The following SAMD3 variants were observed in gnomAD, a reference collection of about 807,000 sequenced individuals.
The protein encoded by SAMD3 is sterile alpha motif domain-containing protein 3.
SAMD3 carries 63 observed loss-of-function variants against 58.5 expected under a neutral mutation model. The ratio of observed to expected loss-of-function variants is 1.08; its 90% CI spans 0.88 to 1.33. SAMD3 has a LOEUF of 1.33. Ranked by LOEUF, SAMD3 falls within the 40% of genes most tolerant of loss-of-function variation. SAMD3 has a pLI of 0.00. For missense variants in SAMD3, 604 were observed against 608.4 expected (o/e 0.99, Z 0.08); for synonymous variants, 220 against 210.3 (o/e 1.05, Z -0.40).
chr6:130,292,018 A>G (rs1261112442), intron 2 of SAMD3, among the ~76,000 whole-genome samples: 1 of 152,198 alleles, frequency 6.6e-6, no homozygotes, highest in Non-Finnish European at 1.5e-5. Context: ...TTATTAAGCT[A>G]ATCTAATACT....
chr6:130,210,031 T>C (rs576184922), intron 4 of SAMD3, among the ~76,000 whole-genome samples: 1 of 152,318 alleles, frequency 6.6e-6, no homozygotes, highest in African/African-American at 2.4e-5. Flanking sequence ...CCTCAGGATC[T>C]TAGAAACATA....
chr6:130,155,110 A>C, intron 8 of SAMD3, 85 bp from the exon 9 acceptor site: 1 of 997,336 alleles, frequency 1.0e-6, no homozygotes, highest in South Asian at 1.5e-5. Flanking sequence ...CTCTTAACTC[A>C]TTCCTAAGGT....
At chr6:130,362,303 C>G (rs556769616) in intron 1 of SAMD3, among the ~76,000 whole-genome samples, 1 of 152,268 alleles carries the variant, frequency 6.6e-6, no homozygotes, top group South Asian at 2.1e-4. Context: ...ACAGTTCCCC[C>G]GTGATGCAAA....
At chr6:130,145,974 CAG>C (rs1788586391) in intron 10 of SAMD3, 34 bp downstream of exon 10, 1 of 1,262,716 alleles carries the variant, frequency 7.9e-7, no homozygotes, top group African/African-American at 1.5e-5. Context: ...TGATAAATAA[CAG>C]ATGAAATCAC....
intron 7 of SAMD3, chr6:130,183,351 G>GA (rs533017471): frequency 6.4e-3 from 2,252 of 352,314 alleles, no homozygotes; most frequent in East Asian, 0.015. Flanking sequence ...AAAAAAAAAG[G>GA]AAAAAAAAAA....
At chr6:130,174,315 GA>G (rs1791526997) in intron 8 of SAMD3, among the ~76,000 whole-genome samples, 1 of 152,164 alleles carries the variant, frequency 6.6e-6, no homozygotes, top group East Asian at 1.9e-4. Flanking sequence ...GTAGGCATAC[GA>G]GGCAATCTCC....
chr6:130,280,610 T>C (rs76680295), intron 2 of SAMD3, among the ~76,000 whole-genome samples: 4,718 of 152,318 alleles, frequency 0.031, 239 homozygotes, highest in African/African-American at 0.11. Context: ...TCAAATTTAC[T>C]GTGTCCCACT....
At chr6:130,346,588 G>A (rs1056014450) in intron 1 of SAMD3, among the ~76,000 whole-genome samples, 5 of 152,338 alleles carry the variant, frequency 3.3e-5, no homozygotes, top group Non-Finnish European at 5.9e-5. Context: ...TGGGAAGCTC[G>A]AACTGGGTGG....
At chr6:130,174,713 A>G (rs1394716813) in intron 8 of SAMD3, among the ~76,000 whole-genome samples, 2 of 152,220 alleles carry the variant, frequency 1.3e-5, no homozygotes, top group African/African-American at 4.8e-5. Context: ...GAATTTTTCA[A>G]AGTTTCTAAA....
rs146341042 is a variant in SAMD3 at position 130,338,573 on chromosome 6, A to C, written c.-303-25480T>G. ...CCCATGACAGCAGCCTCAGGGGCTG[A>C]ATCCTATAGACCCACAGGGGCACAG... On this transcript the variant is annotated intron_variant, in intron 1 of 13. Coordinates refer to the SAMD3 transcript ENST00000368134. Among the ~76,000 whole-genome samples, 185 of 152,336 alleles carry C rather than the reference A, an allele frequency of 1.2e-3. 1 individual carries two copies. Among genetic ancestry groups the C allele is most frequent in the African/African-American group, 4.3e-3 (177 of 41,584 alleles).
intron 7 of SAMD3, among the ~76,000 whole-genome samples, chr6:130,177,618 T>C (rs1791848883): frequency 6.6e-6 from 1 of 152,174 alleles, no homozygotes; most frequent in African/African-American, 2.4e-5. Flanking sequence ...GTGTTGGATC[T>C]CTCCTTTCTT....
intron 2 of SAMD3, among the ~76,000 whole-genome samples, chr6:130,286,563 C>G (rs1583052125): frequency 6.6e-6 from 1 of 152,154 alleles, no homozygotes; most frequent in East Asian, 1.9e-4. Context: ...AAACTGTTCT[C>G]TAGGTATGTA....
intron 2 of SAMD3, among the ~76,000 whole-genome samples, chr6:130,269,110 AT>A: frequency 1.3e-5 from 2 of 152,212 alleles, no homozygotes; most frequent in African/African-American, 4.8e-5. Context: ...TCCGTGATCC[AT>A]TTTTGAATTA....
intron 2 of SAMD3, among the ~76,000 whole-genome samples, chr6:130,264,212 G>A (rs1246219506): frequency 1.3e-5 from 2 of 152,162 alleles, no homozygotes; most frequent in African/African-American, 4.8e-5. Context: ...TCTACAGCCT[G>A]GAGTAATAAG....
At chr6:130,324,834 G>C (rs1454952794) in intron 1 of SAMD3, among the ~76,000 whole-genome samples, 1 of 151,206 alleles carries the variant, frequency 6.6e-6, no homozygotes, top group African/African-American at 2.4e-5. Flanking sequence ...AGATGCAATC[G>C]CCTACTGGTC....
intron 2 of SAMD3, among the ~76,000 whole-genome samples, chr6:130,289,714 G>A (rs1775298174): frequency 6.6e-6 from 1 of 152,128 alleles, no homozygotes; most frequent in Non-Finnish European, 1.5e-5. Context: ...TGGCCAGGCT[G>A]GTCTCGAACT....
At position 130,173,843 on chromosome 6, in the gene SAMD3, T is replaced by C. The variant is rs558412749; in HGVS notation, c.822+1998A>G. 1.8e-3 allele frequency among the ~76,000 whole-genome samples: 270 copies of C among 152,334 alleles called. 2 individuals carry two copies. The highest frequency in any genetic ancestry group is 6.4e-3 in the African/African-American group (265 of 41,576). On this transcript the variant is annotated intron_variant, in intron 8 of 11. Coordinates refer to ENST00000439090, the MANE Select transcript of SAMD3 (RefSeq NM_001017373.4). ...CTGTCCCATGGAGATGGGGATTATG[T>C]CTGTAAGCCCCTGAGTGGGGCTGTT...
At chr6:130,353,764 C>T (rs555620071) in intron 1 of SAMD3, among the ~76,000 whole-genome samples, 26 of 151,970 alleles carry the variant, frequency 1.7e-4, no homozygotes, top group South Asian at 8.3e-4. Context: ...CCTAAAAATC[C>T]GAGACTCACA....
At chr6:130,344,616 A>T (rs1448639635) in intron 1 of SAMD3, among the ~76,000 whole-genome samples, 1 of 152,012 alleles carries the variant, frequency 6.6e-6, no homozygotes, top group Admixed American at 6.6e-5. Flanking sequence ...TCCTGGCCTC[A>T]AGTGACCTAC....
Sources: allele counts gnomAD v4.1 joint callset (sites outside exome capture counted in the v4.1 genomes callset), GRCh38; gene constraint gnomAD v4.1.1; transcripts MANE v1.5; gene names NCBI Gene and HGNC (gene_info 2026-07-23, HGNC 2026-07-21).